The following EPHA3 variants were observed in gnomAD, a reference collection of about 807,000 sequenced individuals.
The protein encoded by EPHA3 is ephrin type-A receptor 3.
Under a neutral mutation model 107.1 loss-of-function variants are expected in EPHA3, and 42 were observed. That is an observed-to-expected ratio of 0.39 (90% CI 0.31 to 0.51). EPHA3 has a LOEUF of 0.51. EPHA3 is among the 20% of genes least tolerant of loss of function. The pLI is 0.78. For missense variants in EPHA3, 1,183 were observed against 1,211.2 expected, an observed-to-expected ratio of 0.98 and a Z score of 0.35; for synonymous variants, 461 against 424.8, an observed-to-expected ratio of 1.09 and a Z score of -1.05.
chr3:89,127,498 G>T (rs1704119199), intron 2 of EPHA3, among the ~76,000 whole-genome samples: 1 of 151,854 alleles, frequency 6.6e-6, no homozygotes, highest in South Asian at 2.1e-4. Context: ...TTGCTTGAAT[G>T]GACTGATTAA....
At chr3:89,452,928 A>AAG (rs1710022856) in intron 15 of EPHA3, among the ~76,000 whole-genome samples, 1 of 152,078 alleles carries the variant, frequency 6.6e-6, no homozygotes, top group Non-Finnish European at 1.5e-5. Context: ...ACAAGATCTT[A>AAG]ATATCAGTAT....
intron 5 of EPHA3, among the ~76,000 whole-genome samples, chr3:89,393,930 T>C (rs1380840409): frequency 2.0e-5 from 3 of 151,714 alleles, no homozygotes; most frequent in Admixed American, 2.0e-4. Context: ...AATTGCAGGG[T>C]TGTGGGGGTG....
intron 15 of EPHA3, among the ~76,000 whole-genome samples, chr3:89,467,307 T>C (rs1710302836): frequency 6.6e-6 from 1 of 152,194 alleles, no homozygotes; most frequent in African/African-American, 2.4e-5. Context: ...CTTTAAAAAG[T>C]TGCTTTTTAG....
In EPHA3 at chr3:89,407,356, A is replaced by G. The variant is rs139544432; in HGVS notation, c.1682A>G (p.Tyr561Cys). The change falls in exon 8 of 17, where the codon TAT (tyrosine) becomes TGT (cysteine). Residue 561 changes from tyrosine to cysteine, a missense_variant. Tyr to Cys is a radical substitution (Grantham distance 194). Transcript: ENST00000336596. ...ATTATTCTCCTCACTGTTGTCATCT[A>G]TGTTTTGATTGGGAGGTGAGTTCAC... ...VAIILLTVVI[Y>C]VLIGRFCGYK... is the part of the protein sequence containing the mutation. 3 of 1,613,276 alleles carry G rather than the reference A, an allele frequency of 1.9e-6. No individual in the cohort carries two copies. The highest frequency in any genetic ancestry group is 1.7e-6 in the Non-Finnish European group (2 of 1,179,458).
chr3:89,284,937 G>T (rs1040751548), intron 3 of EPHA3, among the ~76,000 whole-genome samples: 1 of 152,042 alleles, frequency 6.6e-6, no homozygotes, highest in Non-Finnish European at 1.5e-5. Flanking sequence ...AACCAGCCTG[G>T]CCAACAGGGT....
chr3:89,224,870 A>T (rs1704464973), intron 3 of EPHA3, among the ~76,000 whole-genome samples: 1 of 151,654 alleles, frequency 6.6e-6, no homozygotes, highest in Non-Finnish European at 1.5e-5. Flanking sequence ...AATAATAATG[A>T]TAATAAATAA....
At chr3:89,141,011 A>G (rs1406531767) in intron 2 of EPHA3, among the ~76,000 whole-genome samples, 7 of 151,678 alleles carry the variant, frequency 4.6e-5, no homozygotes, top group Admixed American at 4.0e-4. Flanking sequence ...ACAAGAGAGA[A>G]CAGTAAGGCC....
intron 2 of EPHA3, among the ~76,000 whole-genome samples, chr3:89,166,958 A>C (rs1705086013): frequency 6.6e-6 from 1 of 152,166 alleles, no homozygotes; most frequent in Admixed American, 6.5e-5. Context: ...GGCAGAAAAC[A>C]CATTCCTGCA....
At chr3:89,123,972 T>C (rs1205082703) in intron 1 of EPHA3, among the ~76,000 whole-genome samples, 2 of 152,178 alleles carry the variant, frequency 1.3e-5, no homozygotes, top group Non-Finnish European at 2.9e-5. Context: ...GAGACAGCCA[T>C]TAAAGAATGA....
Position 89,408,148 on chromosome 3 carries a change from G to C in EPHA3, c.1762+17G>C. The C allele has an allele frequency of 6.2e-7, 1 of 1,611,594 alleles. No homozygotes were observed. Among genetic ancestry groups the C allele is most frequent in the South Asian group, 1.1e-5 (1 of 90,930 alleles). ...ATGGGCATTGTAAGTTTCTAAACTT[G>C]GCTTTTTGTTTTGCTTCACCGTTTT... On this transcript the variant is annotated intron_variant, in intron 9 of 16. Coordinates refer to ENST00000336596, the MANE Select transcript of EPHA3 (RefSeq NM_005233.6).
At chr3:89,318,512 C>T (rs1706963684) in intron 3 of EPHA3, among the ~76,000 whole-genome samples, 3 of 151,738 alleles carry the variant, frequency 2.0e-5, no homozygotes, top group Non-Finnish European at 2.9e-5. Context: ...AAAATCTTTC[C>T]GGTATCCTGG....
chr3:89,319,272 C>T lies in EPHA3; in HGVS notation c.815-21644C>T, dbSNP rs552769627. Among the ~76,000 whole-genome samples the T allele has an allele frequency of 6.6e-5, 10 of 152,008 alleles. No individual in the cohort carries two copies. The South Asian group carries it at 1.9e-3, about 28-fold the overall frequency. ...GTAGGAGCAGAGACTTATATCATGC[C>T]ATGACATGTATACTGAGTATTATCA... On this transcript the variant is annotated intron_variant, in intron 3 of 16. Coordinates refer to ENST00000336596, the MANE Select transcript of EPHA3 (RefSeq NM_005233.6).
intron 2 of EPHA3, among the ~76,000 whole-genome samples, chr3:89,140,962 T>C (rs1285795891): frequency 6.6e-6 from 1 of 151,672 alleles, no homozygotes; most frequent in Non-Finnish European, 1.5e-5. Flanking sequence ...TTTCGATATA[T>C]CATTTCATTT....
chr3:89,368,837 A>C (rs773372964), intron 5 of EPHA3, among the ~76,000 whole-genome samples: 12 of 150,302 alleles, frequency 8.0e-5, no homozygotes, highest in Non-Finnish European at 1.5e-4. Flanking sequence ...CAAAAAACAA[A>C]AAACGCTTCA....
intron 7 of EPHA3, chr3:89,400,127 C>A: frequency 4.6e-6 from 4 of 864,068 alleles, no homozygotes; most frequent in Non-Finnish European, 5.6e-6. Flanking sequence ...AAAATTATGT[C>A]TATGGCACTA....
chr3:89,148,649 T>A (rs879847849), intron 2 of EPHA3, among the ~76,000 whole-genome samples: 8 of 151,968 alleles, frequency 5.3e-5, no homozygotes, highest in Non-Finnish European at 1.2e-4. Context: ...ACTTTCAGAA[T>A]AATAAAACAA....
chr3:89,251,118 T>C (rs573743927), intron 3 of EPHA3, among the ~76,000 whole-genome samples: 6 of 152,212 alleles, frequency 3.9e-5, no homozygotes, highest in Non-Finnish European at 8.8e-5. Context: ...CTTGAAAATT[T>C]AGAAGTCTTG....
chr3:89,342,900 T>C (rs1042327581), intron 5 of EPHA3, among the ~76,000 whole-genome samples: 2 of 140,110 alleles, frequency 1.4e-5, no homozygotes, highest in African/African-American at 2.8e-5. Context: ...CACACAAACA[T>C]TGGAGCCAAA....
chr3:89,135,684 A>G (rs888629427), intron 2 of EPHA3, among the ~76,000 whole-genome samples: 7 of 151,464 alleles, frequency 4.6e-5, no homozygotes, highest in African/African-American at 1.7e-4. Context: ...AATATATTAC[A>G]TTGTCTTTTT....
Sources: allele counts gnomAD v4.1 joint callset (sites outside exome capture counted in the v4.1 genomes callset), GRCh38; gene constraint gnomAD v4.1.1; transcripts MANE v1.5; gene names NCBI Gene and HGNC (gene_info 2026-07-23, HGNC 2026-07-21).